ITGB6: variants seen among roughly 807,000 people sequenced by gnomAD.
The protein encoded by ITGB6 is integrin beta-6.
Under a neutral mutation model 84.5 loss-of-function variants are expected in ITGB6, and 80 were observed. The observed-to-expected ratio is 0.95, with a 90% CI of 0.79 to 1.14. The LOEUF (loss-of-function observed/expected upper bound fraction) is 1.14, where lower values mean the gene tolerates loss of function less well. Among genes scored for constraint, ITGB6 ranks in the 50% most tolerant of loss-of-function variants. The pLI, the probability that ITGB6 is intolerant of heterozygous loss-of-function variation, is 0.00. For synonymous variants in ITGB6, 383 were observed against 354.9 expected (o/e 1.08, Z -0.89); for missense variants, 1,006 against 968.0 (o/e 1.04, Z -0.52).
intron 7 of ITGB6, among the ~76,000 whole-genome samples, chr2:160,165,939 A>C (rs1472017945): frequency 1.3e-5 from 2 of 152,212 alleles, no homozygotes; most frequent in African/African-American, 4.8e-5. Context: ...TTGTCACGCA[A>C]AACTCCAAGT....
intron 4 of ITGB6, among the ~76,000 whole-genome samples, chr2:160,182,666 A>G (rs763281044): frequency 6.6e-6 from 1 of 152,194 alleles, no homozygotes; most frequent in Non-Finnish European, 1.5e-5. Flanking sequence ...CTCCCCAAGA[A>G]GAGCAACTCC....
chr2:160,172,639 C>T lies in ITGB6; in HGVS notation c.851G>A (p.Gly284Asp). Residue 284 changes from glycine (G) to aspartate (D), a missense_variant, in exon 6 of 15, where the codon GGC becomes GAC. By Grantham distance (94) the Gly-to-Asp change is moderately conservative. Transcript: ENST00000283249. The part of the protein sequence containing the change: ...SHFGMDSKLA[G>D]IVIPNDGLCH... ...GAGCCCGTCATTAGGAATGACGATG[C>T]CTGCTAGTTTGCTGTCCATTCCAAA... is the stretch of plus-strand genomic sequence containing the variant. 1.2e-6 allele frequency: 2 copies of T among 1,612,258 alleles called. No homozygotes were observed. The highest frequency in any genetic ancestry group is 1.7e-6 in the Non-Finnish European group (2 of 1,178,448).
At chr2:160,167,733 C>T (rs1047350697) in intron 7 of ITGB6, among the ~76,000 whole-genome samples, 36 of 152,140 alleles carry the variant, frequency 2.4e-4, no homozygotes, top group Non-Finnish European at 1.5e-5. Flanking sequence ...TTTTTAATAG[C>T]GGTTTTGGGG....
At chr2:160,111,952 C>T (rs1391080239) in intron 13 of ITGB6, 128 bp downstream of exon 13, 2 of 927,752 alleles carry the variant, frequency 2.2e-6, no homozygotes, top group African/African-American at 1.7e-5. Flanking sequence ...CCTTGGGAAA[C>T]TTTAAGAAAC....
chr2:160,195,472 A>G lies in ITGB6; in HGVS notation c.490T>C (p.Ser164Pro). 1 of 1,614,158 alleles carries G rather than the reference A, an allele frequency of 6.2e-7. No individual in the cohort carries two copies. Among genetic ancestry groups the G allele is most frequent in the Non-Finnish European group, 8.5e-7 (1 of 1,180,004 alleles). Reference protein sequence around the residue: ...ELGSRLSKEMSKLTSNFRLGF... With the variant: ...ELGSRLSKEMPKLTSNFRLGF... ...AGTCTAAAGTTGCTGGTTAATTTAG[A>G]CATCTCTTTGGAAAGCCGGGAGCCC... The change falls in exon 4 of 15, where the codon TCT becomes CCT. Residue 164 changes from serine (S) to proline (P), a missense_variant. Physicochemically the swap from Ser to Pro is moderately conservative, Grantham distance 74. Coordinates refer to ENST00000283249, the MANE Select transcript of ITGB6 (RefSeq NM_000888.5).
chr2:160,104,153 T>C (rs1294556811), intron 14 of ITGB6, among the ~76,000 whole-genome samples: 3 of 151,930 alleles, frequency 2.0e-5, no homozygotes, highest in Admixed American at 6.6e-5. Context: ...TTATAGGGAG[T>C]GATGGGTAAA....
chr2:160,113,781 T>A (rs1682632942), intron 12 of ITGB6, among the ~76,000 whole-genome samples: 1 of 152,246 alleles, frequency 6.6e-6, no homozygotes, highest in Non-Finnish European at 1.5e-5. Flanking sequence ...TTATTTCATA[T>A]ATTTGATTGC....
At chr2:160,109,633 AT>A (rs1697046565) in intron 13 of ITGB6, among the ~76,000 whole-genome samples, 1 of 152,242 alleles carries the variant, frequency 6.6e-6, no homozygotes, top group Admixed American at 6.5e-5. Context: ...AATAGAGATC[AT>A]CACTTTTCAT....
chr2:160,126,380 G>A lies in ITGB6; in HGVS notation c.1882C>T (p.Arg628Trp), dbSNP rs202195621. The change falls in exon 11 of 15, where the codon CGG (arginine) becomes TGG (tryptophan). Residue 628 changes from arginine to tryptophan, a missense_variant and splice_region_variant. Physicochemically the swap from Arg to Trp is moderately radical, Grantham distance 101. Coordinates refer to ENST00000283249, the MANE Select transcript of ITGB6 (RefSeq NM_000888.5). ...AATGGAGAAAAGCAGAGACATTACC[G>A]TTTAGAGTTACAGGGGTCACCACAG... The part of the protein sequence containing the change: ...PTCGDPCNSK[R>W]SCIECHLSAA... 1.4e-5 allele frequency: 23 copies of A among 1,613,462 alleles called. No homozygotes were observed. Among genetic ancestry groups the A allele is most frequent in the Non-Finnish European group, 1.8e-5 (21 of 1,179,508 alleles).
intron 8 of ITGB6, among the ~76,000 whole-genome samples, chr2:160,141,719 T>C (rs963918334): frequency 6.6e-6 from 1 of 152,180 alleles, no homozygotes; most frequent in Non-Finnish European, 1.5e-5. Context: ...GCGGCAACAA[T>C]GTTACTGTTG....
At chr2:160,186,272 C>CA (rs200245831) in intron 4 of ITGB6, among the ~76,000 whole-genome samples, 74,485 of 133,602 alleles carry the variant, frequency 0.56, 20,221 homozygotes, top group East Asian at 0.78. Context: ...AACAAATTTC[C>CA]AAAAAAAAAA....
At chr2:160,133,502 A>G (rs1004770033) in intron 10 of ITGB6, among the ~76,000 whole-genome samples, 18 of 152,176 alleles carry the variant, frequency 1.2e-4, no homozygotes, top group Non-Finnish European at 1.9e-4. Context: ...CAGATGAGAC[A>G]GAAAGTTAGC....
intron 10 of ITGB6, among the ~76,000 whole-genome samples, chr2:160,134,531 G>A (rs1325517285): frequency 6.6e-6 from 1 of 152,120 alleles, no homozygotes; most frequent in Non-Finnish European, 1.5e-5. Context: ...TAGAAAAAGG[G>A]GGAATCCTCC....
intron 10 of ITGB6, among the ~76,000 whole-genome samples, chr2:160,135,425 CA>C (rs1683667406): frequency 6.7e-6 from 1 of 149,474 alleles, no homozygotes; most frequent in African/African-American, 2.4e-5. Context: ...AATGGAAGAA[CA>C]TTCCATGCTC....
chr2:160,177,496 G>A (rs1039526761), intron 4 of ITGB6, among the ~76,000 whole-genome samples: 1 of 151,768 alleles, frequency 6.6e-6, no homozygotes, highest in East Asian at 1.9e-4. Flanking sequence ...GCGTGAACCC[G>A]GGAGGCGGAG....
intron 4 of ITGB6, among the ~76,000 whole-genome samples, chr2:160,189,799 T>C (rs1350001883): frequency 1.3e-5 from 2 of 152,188 alleles, no homozygotes; most frequent in Admixed American, 6.5e-5. Flanking sequence ...AGTGTGGCGA[T>C]GCCTCAGGGA....
intron 7 of ITGB6, among the ~76,000 whole-genome samples, chr2:160,166,220 T>C (rs1684996106): frequency 6.6e-6 from 1 of 152,196 alleles, no homozygotes. Flanking sequence ...TATTAATCAG[T>C]GGTCATAGAA....
At chr2:160,153,157 T>C (rs1415377365) in intron 7 of ITGB6, among the ~76,000 whole-genome samples, 2 of 152,102 alleles carry the variant, frequency 1.3e-5, no homozygotes, top group African/African-American at 4.8e-5. Flanking sequence ...AGAACAAAGC[T>C]GGAGAGATCA....
intron 7 of ITGB6, among the ~76,000 whole-genome samples, chr2:160,144,522 TTGAC>T (rs1402336816): frequency 6.6e-6 from 1 of 152,152 alleles, no homozygotes; most frequent in East Asian, 1.9e-4. Context: ...GTGTGTAAAT[TTGAC>T]TGATCCCAGA....
Sources: allele counts gnomAD v4.1 joint callset (sites outside exome capture counted in the v4.1 genomes callset), GRCh38; gene constraint gnomAD v4.1.1; transcripts MANE v1.5; gene names NCBI Gene and HGNC (gene_info 2026-07-23, HGNC 2026-07-21).